KMT2E: variants seen among roughly 807,000 people sequenced by gnomAD.
KMT2E encodes histone reader KMT2E.
A neutral mutation model predicts 184.6 loss-of-function variants in KMT2E; 30 were observed. The observed-to-expected ratio is 0.16, with a 90% confidence interval of 0.12 to 0.22. The LOEUF is 0.22. Among genes scored for constraint, KMT2E ranks in the 10% least tolerant of loss-of-function variants. The probability of loss-of-function intolerance (pLI) is 1.00; values close to 1 mark genes in which losing one functional copy is unlikely to be tolerated. For synonymous variants in KMT2E, 815 were observed against 776.5 expected (o/e 1.05, Z -0.82); for missense variants, 2,023 against 2,237.4 (o/e 0.90, Z 1.93).
intron 1 of KMT2E, among the ~76,000 whole-genome samples, chr7:105,035,899 G>A (rs551149282): frequency 6.6e-6 from 1 of 152,130 alleles, no homozygotes; most frequent in Non-Finnish European, 1.5e-5. Flanking sequence ...ATTTGCCCAC[G>A]TTTGTGGTGT....
intron 15 of KMT2E, among the ~76,000 whole-genome samples, chr7:105,100,967 C>T (rs748836921): frequency 6.9e-4 from 105 of 152,152 alleles, no homozygotes; most frequent in Non-Finnish European, 2.4e-4. Context: ...TTTTTAAATG[C>T]AAGACTTTAC....
chr7:105,076,147 G>T, intron 9 of KMT2E, 66 bp downstream of exon 9: 1 of 1,118,358 alleles, frequency 8.9e-7, no homozygotes, highest in Non-Finnish European at 1.4e-6. Flanking sequence ...ATGCTTGCTT[G>T]ACCATATCTT....
At chr7:105,044,890 C>T (rs1796035464) in intron 3 of KMT2E, among the ~76,000 whole-genome samples, 1 of 152,204 alleles carries the variant, frequency 6.6e-6, no homozygotes, top group Non-Finnish European at 1.5e-5. Context: ...GCAAACCAGC[C>T]TTACCACACT....
intron 1 of KMT2E, among the ~76,000 whole-genome samples, chr7:105,021,939 A>G (rs1794973266): frequency 6.6e-6 from 1 of 152,152 alleles, no homozygotes; most frequent in Non-Finnish European, 1.5e-5. Flanking sequence ...AATAGTACAA[A>G]TAACTCTCTT....
At chr7:105,043,523 A>G (rs182464002) in intron 3 of KMT2E, among the ~76,000 whole-genome samples, 1 of 152,290 alleles carries the variant, frequency 6.6e-6, no homozygotes, top group East Asian at 1.9e-4. Flanking sequence ...GGCGTGAGCC[A>G]CCGCGCCCGG....
intron 1 of KMT2E, among the ~76,000 whole-genome samples, chr7:105,033,823 T>C (rs1192464582): frequency 6.6e-6 from 1 of 152,096 alleles, no homozygotes; most frequent in African/African-American, 2.4e-5. Context: ...TTCACTGCTC[T>C]GCAGGCTGGG....
intron 3 of KMT2E, 40 bp downstream of exon 3, chr7:105,041,063 A>AAC: frequency 1.5e-6 from 2 of 1,316,448 alleles, no homozygotes; most frequent in East Asian, 2.4e-5. Flanking sequence ...AAAAAAAAAA[A>AAC]AAACCCTTCT....
chr7:105,093,596 A>C (rs1798294733), intron 15 of KMT2E, among the ~76,000 whole-genome samples: 1 of 152,140 alleles, frequency 6.6e-6, no homozygotes, highest in South Asian at 2.1e-4. Context: ...AGGCAGGAGA[A>C]TCACTTGAAC....
intron 13 of KMT2E, among the ~76,000 whole-genome samples, chr7:105,086,056 AT>A (rs779460369): frequency 7.2e-5 from 11 of 152,174 alleles, no homozygotes; most frequent in Non-Finnish European, 1.3e-4. Context: ...TTAAACTTTT[AT>A]GTAAATTGTG....
chr7:105,068,738 G>C (rs746752634), intron 6 of KMT2E, among the ~76,000 whole-genome samples: 1 of 147,470 alleles, frequency 6.8e-6, no homozygotes, highest in Non-Finnish European at 1.5e-5. Flanking sequence ...GCCTCCCAAA[G>C]TGTTGGGATT....
chr7:105,058,848 T>A (rs1443019312), intron 3 of KMT2E, among the ~76,000 whole-genome samples: 5 of 152,194 alleles, frequency 3.3e-5, no homozygotes, highest in African/African-American at 9.6e-5. Context: ...TTGGGAAATT[T>A]CCCATGGATA....
intron 13 of KMT2E, among the ~76,000 whole-genome samples, chr7:105,082,055 C>A (rs1050265049): frequency 6.6e-6 from 1 of 152,140 alleles, no homozygotes; most frequent in Non-Finnish European, 1.5e-5. Context: ...TTCAGCCATA[C>A]AACACTGACC....
chr7:105,092,487 T>C (rs1798246027), intron 15 of KMT2E, among the ~76,000 whole-genome samples: 5 of 152,212 alleles, frequency 3.3e-5, no homozygotes, highest in Admixed American at 2.6e-4. Context: ...TGATGAATTA[T>C]TGATACTCAA....
At chr7:105,058,024 C>T (rs1796644444) in intron 3 of KMT2E, among the ~76,000 whole-genome samples, 1 of 152,254 alleles carries the variant, frequency 6.6e-6, no homozygotes, top group African/African-American at 2.4e-5. Context: ...TAACAACCCC[C>T]TCTTTTAAAA....
chr7:105,090,247 C>G lies in KMT2E; in HGVS notation c.1597C>G (p.Leu533Val). 1 of 1,600,382 alleles carries G rather than the reference C, an allele frequency of 6.2e-7. No individual in the cohort carries two copies. Among genetic ancestry groups the G allele is most frequent in the Non-Finnish European group, 8.5e-7 (1 of 1,176,550 alleles). Residue 533 changes from leucine (L) to valine (V), a missense_variant, in exon 14 of 27, where the codon CTG becomes GTG. Coordinates refer to ENST00000311117, the MANE Select transcript of KMT2E (RefSeq NM_182931.3). Reference protein sequence around the residue: ...PETKQRKLSPLRLSVSNNQEP... With the variant: ...PETKQRKLSPVRLSVSNNQEP... ...AACTAAACAAAGAAAGCTTTCTCCA[C>G]TGAGACTATCAGTATCAAATAATCA...
chr7:105,015,625 G>A (rs1017874771), intron 1 of KMT2E, among the ~76,000 whole-genome samples: 4 of 152,088 alleles, frequency 2.6e-5, no homozygotes, highest in Admixed American at 2.0e-4. Context: ...CTGAGATGGG[G>A]AGTAAAAACT....
rs979241964 is a variant in KMT2E, at chr7:105,107,578, A to G, written c.3121A>G (p.Thr1041Ala). 4.3e-6 allele frequency: 7 copies of G among 1,613,918 alleles called. No homozygotes were observed. Among genetic ancestry groups the G allele is most frequent in the Non-Finnish European group, 5.9e-6 (7 of 1,179,978 alleles). The change falls in exon 22 of 27, where the codon ACG becomes GCG. Residue 1041 changes from threonine to alanine, a missense_variant. Around this residue, in one of 8 missense-constraint regions of KMT2E, gnomAD observed 1,108 missense variants for 1,050.9 expected, o/e 1.05. Transcript: ENST00000311117. ...EPTALHKTLE[T>A]PAHDRAEPNS... ...AACTGCCCTACATAAAACCCTGGAA[A>G]CGCCTGCACATGACAGGGCTGAGCC...
rs983031811 is a variant in KMT2E at position 105,062,339 on chromosome 7, ATGTGATAC to A, written c.186+66_186+73del. 24 of 1,071,884 alleles carry A rather than the reference ATGTGATAC, an allele frequency of 2.2e-5. No homozygotes were observed. In the African/African-American group the frequency reaches 3.7e-4, roughly 17 times the overall value. The allele number at this position is 1,071,884 out of a possible 1,614,324, so 66.4% of individuals were successfully genotyped here. A position where few individuals can be genotyped will look rare whatever the true frequency, so the allele number is the denominator to read the frequency against. ...AAATTTAGAGATTGAAAGTAGATGC[ATGTGATAC>A]TGTGCTTGAAACGGCATGTTTGAAA... On this transcript the variant is annotated intron_variant, in intron 4 of 26. Transcript: ENST00000311117.
chr7:105,031,363 G>A (rs887735636), intron 1 of KMT2E, among the ~76,000 whole-genome samples: 5 of 150,902 alleles, frequency 3.3e-5, no homozygotes, highest in Middle Eastern at 3.2e-3. Context: ...TCTGAGGATT[G>A]GGGGGGTGGT....
Sources: allele counts gnomAD v4.1 joint callset (sites outside exome capture counted in the v4.1 genomes callset), GRCh38; gene constraint gnomAD v4.1.1; regional missense constraint gnomAD v4.1.1; transcripts MANE v1.5; gene names NCBI Gene and HGNC (gene_info 2026-07-23, HGNC 2026-07-21).